Variants in SV2C observed in about 807,000 individuals in gnomAD.
SV2C encodes the protein solute carrier family 22 member B3.
In SV2C, 49 loss-of-function variants were observed where a neutral mutation model predicts 79.7. That is an observed-to-expected ratio of 0.61 (90% CI 0.49 to 0.78). SV2C has a LOEUF of 0.78. Among genes scored for constraint, SV2C ranks in the 30% least tolerant of loss-of-function variants. The probability of loss-of-function intolerance (pLI) is 0.00; values close to 1 mark genes in which losing one functional copy is unlikely to be tolerated. For synonymous variants in SV2C, 334 were observed against 333.2 expected (o/e 1.00, Z -0.03); for missense variants, 833 against 912.9 (o/e 0.91, Z 1.13).
the SV2C span, among the ~76,000 whole-genome samples, chr5:75,894,097 C>G: frequency 4.5e-3 from 678 of 152,108 alleles, 3 homozygotes; most frequent in African/African-American, 0.016. Context: ...TAGAATTATT[C>G]ATTACGTTGG....
the SV2C span, among the ~76,000 whole-genome samples, chr5:75,934,302 C>CTTTTTCTTTTTTTTTT: frequency 9.3e-6 from 1 of 107,836 alleles, no homozygotes; most frequent in African/African-American, 4.2e-5. Context: ...TTCTTTCTTT[C>CTTTTTCTTTTTTTTTT]TTTTTTTTTT....
At chr5:75,856,698 C>G in the SV2C span, among the ~76,000 whole-genome samples, 1 of 152,000 alleles carries the variant, frequency 6.6e-6, no homozygotes, top group Admixed American at 6.6e-5. Flanking sequence ...GGTATTAATC[C>G]CTTGTCAAAT....
chr5:76,252,527 A>C (rs555241984), intron 4 of SV2C, among the ~76,000 whole-genome samples: 9 of 152,374 alleles, frequency 5.9e-5, no homozygotes, highest in African/African-American at 2.2e-4. Context: ...AATCTATGAA[A>C]GAAAGATATA....
At chr5:76,256,437 T>TC (rs1746268901) in intron 4 of SV2C, among the ~76,000 whole-genome samples, 1 of 152,156 alleles carries the variant, frequency 6.6e-6, no homozygotes, top group East Asian at 1.9e-4. Context: ...CGTCTGTGTG[T>TC]CTCTTGTGAA....
At chr5:75,868,819 C>A in the SV2C span, among the ~76,000 whole-genome samples, 33,822 of 152,026 alleles carry the variant, frequency 0.22, 5,281 homozygotes, top group African/African-American at 0.45. Context: ...TTCTTCCTAC[C>A]CAACATGTCT....
At chr5:76,150,608 CT>C (rs1187804671) in intron 2 of SV2C, among the ~76,000 whole-genome samples, 3 of 122,324 alleles carry the variant, frequency 2.5e-5, no homozygotes, top group Admixed American at 8.7e-5. Flanking sequence ...AACTATTCGT[CT>C]GTTTATTCAT....
intron 4 of SV2C, among the ~76,000 whole-genome samples, chr5:76,235,630 T>G (rs554507393): frequency 6.6e-6 from 1 of 152,172 alleles, no homozygotes; most frequent in Non-Finnish European, 1.5e-5. Context: ...AATGCTTATA[T>G]GGAAAATCCC....
intron 1 of SV2C, among the ~76,000 whole-genome samples, chr5:76,129,710 G>A (rs1748818999): frequency 6.6e-6 from 1 of 152,190 alleles, no homozygotes; most frequent in East Asian, 1.9e-4. Flanking sequence ...GCCAAATGCA[G>A]TCAGTTGATA....
chr5:75,976,673 G>A, the SV2C span, among the ~76,000 whole-genome samples: 1 of 151,672 alleles, frequency 6.6e-6, no homozygotes, highest in Non-Finnish European at 1.5e-5. Context: ...GCAACTTAAT[G>A]GATATTTCTC....
chr5:76,171,923 C>T (rs1743288985), intron 2 of SV2C, among the ~76,000 whole-genome samples: 2 of 121,724 alleles, frequency 1.6e-5, no homozygotes, highest in African/African-American at 6.0e-5. Flanking sequence ...GCCGCCCCGT[C>T]CGGGAGGGAG....
At chr5:76,052,068 G>A in the SV2C span, among the ~76,000 whole-genome samples, 3 of 152,090 alleles carry the variant, frequency 2.0e-5, no homozygotes, top group Non-Finnish European at 4.4e-5. Context: ...TTTCCCTCTA[G>A]TATAGCATCT....
the SV2C span, among the ~76,000 whole-genome samples, chr5:75,876,500 A>T: frequency 1.3e-5 from 2 of 152,080 alleles, no homozygotes; most frequent in African/African-American, 4.8e-5. Context: ...ATGAAATAAT[A>T]TGTATAATAA....
the SV2C span, among the ~76,000 whole-genome samples, chr5:75,857,417 G>C: frequency 6.6e-6 from 1 of 152,110 alleles, no homozygotes; most frequent in Non-Finnish European, 1.5e-5. Context: ...TGAGTTCACT[G>C]TAAATGTTTG....
At chr5:75,941,738 T>C in the SV2C span, among the ~76,000 whole-genome samples, 4 of 152,214 alleles carry the variant, frequency 2.6e-5, no homozygotes, top group African/African-American at 9.6e-5. Flanking sequence ...AGAATCTCTC[T>C]GACCTTCTCC....
the SV2C span, among the ~76,000 whole-genome samples, chr5:75,942,695 T>A: frequency 6.6e-6 from 1 of 152,184 alleles, no homozygotes; most frequent in African/African-American, 2.4e-5. Context: ...ATCAAATCAT[T>A]ATATCATCTT....
chr5:76,172,365 T>G (rs1743324452), intron 2 of SV2C, among the ~76,000 whole-genome samples: 1 of 66,628 alleles, frequency 1.5e-5, no homozygotes, highest in Admixed American at 1.6e-4. Flanking sequence ...CGGCCGCCCC[T>G]ACTGGGAAGT....
chr5:75,997,892 G>T, the SV2C span, among the ~76,000 whole-genome samples: 3 of 152,036 alleles, frequency 2.0e-5, no homozygotes, highest in Admixed American at 2.0e-4. Context: ...ACATACACAC[G>T]TATGTTTATT....
intron 2 of SV2C, among the ~76,000 whole-genome samples, chr5:76,178,870 GAGTT>G (rs1743624366): frequency 1.3e-5 from 2 of 152,104 alleles, no homozygotes; most frequent in African/African-American, 4.8e-5. Context: ...TTTCATTTTT[GAGTT>G]AGTTCTGTCA....
intron 2 of SV2C, among the ~76,000 whole-genome samples, chr5:76,134,472 A>G (rs1377087018): frequency 6.6e-6 from 1 of 152,220 alleles, no homozygotes; most frequent in African/African-American, 2.4e-5. Context: ...TAGGATCAAA[A>G]TGCAAGAAAG....
Sources: allele counts gnomAD v4.1 joint callset (sites outside exome capture counted in the v4.1 genomes callset), GRCh38; gene constraint gnomAD v4.1.1; transcripts MANE v1.5; gene names NCBI Gene and HGNC (gene_info 2026-07-23, HGNC 2026-07-21).